The following MECOM variants were observed in gnomAD, a reference collection of about 807,000 sequenced individuals.
MECOM encodes the protein MDS1 and EVI1 complex locus.
In MECOM, 13 loss-of-function variants were observed where a neutral mutation model predicts 116.3. The observed-to-expected ratio is 0.11, with a 90% confidence interval of 0.07 to 0.18. The LOEUF (loss-of-function observed/expected upper bound fraction) is 0.18, where lower values mean the gene tolerates loss of function less well. Ranked by LOEUF, MECOM falls within the 10% of genes least tolerant of loss-of-function variation. The pLI is 1.00. For missense variants in MECOM, 1,299 were observed against 1,509.0 expected (o/e 0.86, Z 2.31); for synonymous variants, 528 against 535.2 (o/e 0.99, Z 0.19).
chr3:169,462,471 G>T (rs1318365484), intron 1 of MECOM, among the ~76,000 whole-genome samples: 2 of 152,116 alleles, frequency 1.3e-5, no homozygotes, highest in East Asian at 3.9e-4. Context: ...GAGAAGTTTT[G>T]CTTTTACAAC....
intron 2 of MECOM, among the ~76,000 whole-genome samples, chr3:169,256,646 G>A (rs1560052465): frequency 6.6e-6 from 1 of 152,178 alleles, no homozygotes; most frequent in Admixed American, 6.5e-5. Context: ...CATCTCCTTC[G>A]GGAGATGCTG....
At chr3:169,212,634 ATGTATATAT>A (rs1750895480) in intron 2 of MECOM, among the ~76,000 whole-genome samples, 4 of 6,054 alleles carry the variant, frequency 6.6e-4, no homozygotes, top group Admixed American at 1.9e-3. Flanking sequence ...CTAGTCAGCA[ATGTATATAT>A]ATATATATAT....
chr3:169,193,697 A>G (rs899014640), intron 2 of MECOM, among the ~76,000 whole-genome samples: 28 of 152,054 alleles, frequency 1.8e-4, no homozygotes, highest in Non-Finnish European at 1.5e-5. Flanking sequence ...TGACATGGCT[A>G]AAAAGCTAAA....
At chr3:169,569,625 A>T (rs551166958) in intron 1 of MECOM, among the ~76,000 whole-genome samples, 3 of 152,336 alleles carry the variant, frequency 2.0e-5, no homozygotes, top group African/African-American at 7.2e-5. Context: ...AAATCATAAC[A>T]AACAGTCTCT....
chr3:169,504,150 AGTGT>A (rs3044764), intron 1 of MECOM, among the ~76,000 whole-genome samples: 4,780 of 132,644 alleles, frequency 0.036, 236 homozygotes, highest in African/African-American at 0.11. Context: ...GAAAAAGAGA[AGTGT>A]GTGTGTGTGT....
At chr3:169,251,769 G>A (rs1756266568) in intron 2 of MECOM, among the ~76,000 whole-genome samples, 1 of 152,146 alleles carries the variant, frequency 6.6e-6, no homozygotes, top group South Asian at 2.1e-4. Context: ...ACTACTGCTT[G>A]CAAAGTGAAG....
intron 1 of MECOM, among the ~76,000 whole-genome samples, chr3:169,437,269 C>T (rs1427371159): frequency 6.6e-6 from 1 of 152,176 alleles, no homozygotes; most frequent in Non-Finnish European, 1.5e-5. Flanking sequence ...TTGAACTAAG[C>T]TGTGTCCCAA....
At chr3:169,488,246 G>T (rs1048956972) in intron 1 of MECOM, among the ~76,000 whole-genome samples, 3 of 151,708 alleles carry the variant, frequency 2.0e-5, no homozygotes, top group African/African-American at 4.8e-5. Context: ...ATTTTTCCAG[G>T]CCAGGCACGG....
chr3:169,661,440 G>GAA (rs34861912), intron 1 of MECOM, among the ~76,000 whole-genome samples: 1 of 152,074 alleles, frequency 6.6e-6, no homozygotes, highest in Non-Finnish European at 1.5e-5. Flanking sequence ...AGCAAACAGG[G>GAA]AAAACAGTTC....
chr3:169,138,974 G>A (rs563224401), intron 3 of MECOM, among the ~76,000 whole-genome samples: 4 of 152,006 alleles, frequency 2.6e-5, no homozygotes, highest in Admixed American at 2.0e-4. Flanking sequence ...GAGCGAACGC[G>A]GGGTGCCACA....
intron 12 of MECOM, among the ~76,000 whole-genome samples, chr3:169,097,840 A>AAAAAAAAAAAAAAAG (rs1722193549): frequency 2.8e-5 from 4 of 140,600 alleles, no homozygotes; most frequent in Non-Finnish European, 6.2e-5. Context: ...AAAAAAAAAA[A>AAAAAAAAAAAAAAAG]GGTGGATTCC....
chr3:169,096,117 G>C (rs1026761817), intron 12 of MECOM, among the ~76,000 whole-genome samples: 1 of 152,092 alleles, frequency 6.6e-6, no homozygotes, highest in East Asian at 1.9e-4. Flanking sequence ...CCTTCCCCTA[G>C]CTCTCATTAA....
intron 14 of MECOM, 112 bp from the exon 15 acceptor site, chr3:169,090,348 C>T (rs571379965): frequency 4.0e-5 from 37 of 923,982 alleles, no homozygotes; most frequent in Middle Eastern, 2.6e-4. Flanking sequence ...CACTTAACAT[C>T]GGAAATGTTT....
intron 2 of MECOM, among the ~76,000 whole-genome samples, chr3:169,344,216 T>G (rs1724997180): frequency 1.3e-5 from 2 of 152,146 alleles, no homozygotes; most frequent in Admixed American, 6.6e-5. Flanking sequence ...TGTGTCTATA[T>G]CATGTAAATG....
chr3:169,384,134 C>G (rs1732914424), intron 1 of MECOM, among the ~76,000 whole-genome samples: 1 of 152,142 alleles, frequency 6.6e-6, no homozygotes. Context: ...AGGACTCTTA[C>G]TTTTTCAGAA....
At chr3:169,301,889 T>C (rs777009717) in intron 2 of MECOM, among the ~76,000 whole-genome samples, 21 of 151,964 alleles carry the variant, frequency 1.4e-4, no homozygotes, top group African/African-American at 7.2e-5. Flanking sequence ...TATAAATCAA[T>C]ATGATGGGGG....
intron 2 of MECOM, among the ~76,000 whole-genome samples, chr3:169,200,100 C>G (rs1392351017): frequency 6.6e-6 from 1 of 151,984 alleles, no homozygotes; most frequent in Admixed American, 6.6e-5. Flanking sequence ...AATGTCCTTC[C>G]TCATTTCAAA....
intron 1 of MECOM, among the ~76,000 whole-genome samples, chr3:169,561,280 C>A (rs1762600866): frequency 6.6e-6 from 1 of 151,834 alleles, no homozygotes; most frequent in Non-Finnish European, 1.5e-5. Flanking sequence ...ATAAGAGTCA[C>A]AACAATGTTC....
chr3:169,292,849 A>G (rs528971064), intron 2 of MECOM, among the ~76,000 whole-genome samples: 45 of 152,252 alleles, frequency 3.0e-4, no homozygotes, highest in African/African-American at 1.1e-3. Context: ...AATTATATTC[A>G]ATTTAGAGGC....
Sources: allele counts gnomAD v4.1 joint callset (sites outside exome capture counted in the v4.1 genomes callset), GRCh38; gene constraint gnomAD v4.1.1; transcripts MANE v1.5; gene names NCBI Gene and HGNC (gene_info 2026-07-23, HGNC 2026-07-21).